The following GABRA6 variants were observed in gnomAD, a reference collection of about 807,000 sequenced individuals.
GABRA6 encodes the protein gamma-aminobutyric acid receptor subunit alpha-6.
A neutral mutation model predicts 47.3 loss-of-function variants in GABRA6; 45 were observed. The ratio of observed to expected loss-of-function variants is 0.95; its 90% CI spans 0.75 to 1.22. The LOEUF is 1.22. Ranked by LOEUF, GABRA6 falls within the 50% of genes most tolerant of loss-of-function variation. GABRA6 has a pLI of 0.00. For synonymous variants in GABRA6, 219 were observed against 194.7 expected (o/e 1.12, Z -1.04); for missense variants, 583 against 549.3 (o/e 1.06, Z -0.61).
chr5:161,691,874 T>G, intron 7 of GABRA6, 67 bp from the exon 8 acceptor site: 1 of 1,435,162 alleles, frequency 7.0e-7, no homozygotes, highest in Non-Finnish European at 9.8e-7. Flanking sequence ...CTCTGACACA[T>G]TCTCATTTGA....
Position 161,686,247 on chromosome 5 carries a change from G to C in GABRA6, c.56G>C (p.Gly19Ala). The change falls in exon 2 of 9, where the codon GGG becomes GCG. Residue 19 changes from glycine to alanine, a missense_variant. Gly to Ala is a moderately conservative substitution (Grantham distance 60). Coordinates refer to ENST00000274545, the MANE Select transcript of GABRA6 (RefSeq NM_000811.3). ...CIILWLENAL[G>A]KLEVEGNFYS... ...ACACACAGGCTAGAAAATGCCCTAGGGAAACTCGAAGTTGAAGGCAACTTC... is the reference window on the plus strand; with the variant it reads ...ACACACAGGCTAGAAAATGCCCTAGCGAAACTCGAAGTTGAAGGCAACTTC... 6.2e-7 allele frequency: 1 copy of C among 1,613,622 alleles called. No homozygotes were observed. Among genetic ancestry groups the C allele is most frequent in the South Asian group, 1.1e-5 (1 of 91,068 alleles).
intron 8 of GABRA6, among the ~76,000 whole-genome samples, chr5:161,700,129 AGTT>A (rs939136733): frequency 6.6e-6 from 1 of 152,216 alleles, no homozygotes; most frequent in Non-Finnish European, 1.5e-5. Context: ...AAGTTTTGGG[AGTT>A]GTTGTCCCTT....
rs549678939 is a variant in GABRA6 at position 161,692,617 on chromosome 5, T to C, written c.1086+417T>C. On this transcript the variant is annotated intron_variant, in intron 8 of 8. Transcript: ENST00000274545. Reference sequence around the variant, plus strand: ...TGGAATGGACAATTTTTGTTATAAATCTGCTTGCTGCTTTATTTCAAGAGG... The same window carrying C: ...TGGAATGGACAATTTTTGTTATAAACCTGCTTGCTGCTTTATTTCAAGAGG... Among the ~76,000 whole-genome samples, 893 of 152,338 alleles carry C rather than the reference T, an allele frequency of 5.9e-3. 7 individuals carry two copies. The highest frequency in any genetic ancestry group is 0.019 in the African/African-American group (797 of 41,576).
At chr5:161,699,789 TCTC>T (rs765307328) in intron 8 of GABRA6, among the ~76,000 whole-genome samples, 18 of 151,990 alleles carry the variant, frequency 1.2e-4, no homozygotes, top group Non-Finnish European at 2.2e-4. Context: ...GTTTCCCTCA[TCTC>T]CTCTTCAAGA....
chr5:161,700,457 C>G (rs1378092368), intron 8 of GABRA6, among the ~76,000 whole-genome samples: 2 of 152,146 alleles, frequency 1.3e-5, no homozygotes, highest in African/African-American at 4.8e-5. Context: ...AGGAGGGCCC[C>G]CTAGACACCA....
chr5:161,701,462 T>A, intron 8 of GABRA6, 36 bp from the exon 9 acceptor site: 1 of 1,609,038 alleles, frequency 6.2e-7, no homozygotes, highest in Non-Finnish European at 8.5e-7. Context: ...ATATCTATTC[T>A]TTCATTTGGG....
chr5:161,698,886 T>C (rs1396943840), intron 8 of GABRA6, among the ~76,000 whole-genome samples: 3 of 152,176 alleles, frequency 2.0e-5, no homozygotes, highest in Non-Finnish European at 4.4e-5. Context: ...AATTTTAATT[T>C]TTTAATTTAG....
chr5:161,692,191 GA>G lies in GABRA6; in HGVS notation c.1078del (p.Ile360LeufsTer11), dbSNP rs1754805716. ...SKATEPLEAE[I>X]VLHPDSKYHL... ...AAGCTACTGAACCTTTGGAAGCTGA[GA>G]TTGTTTTGGTAATTGTTTACTTTTT... On this transcript the variant is annotated frameshift_variant, in exon 8 of 9. Coordinates refer to ENST00000274545, the MANE Select transcript of GABRA6 (RefSeq NM_000811.3). LOFTEE classifies it high-confidence loss of function. 3 of 1,614,102 alleles carry G rather than the reference GA, an allele frequency of 1.9e-6. No individual in the cohort carries two copies. In the Admixed American group the frequency reaches 5.0e-5, roughly 27 times the overall value.
chr5:161,688,392 C>T (rs901647465), intron 3 of GABRA6, among the ~76,000 whole-genome samples: 15 of 151,974 alleles, frequency 9.9e-5, no homozygotes, highest in Admixed American at 8.5e-4. Context: ...TAAATGATAC[C>T]CTCTTTAGAA....
chr5:161,692,113 G>A lies in GABRA6; in HGVS notation c.999G>A (p.Gln333=), dbSNP rs1447497229. The part of the protein sequence containing the change: ...AVNYFTNLQT[Q]KAKRKAQFAA... ...ACTACTTTACCAATCTTCAGACACA[G>A]AAGGCCAAAAGGAAGGCACAGTTTG... Residue 333 remains glutamine, a synonymous_variant, in exon 8 of 9, where the codon CAG becomes CAA. Coordinates refer to ENST00000274545, the MANE Select transcript of GABRA6 (RefSeq NM_000811.3). 7 of 1,614,126 alleles carry A rather than the reference G, an allele frequency of 4.3e-6. No homozygotes were observed. The highest frequency in any genetic ancestry group is 5.9e-6 in the Non-Finnish European group (7 of 1,179,978).
chr5:161,689,002 G>C lies in GABRA6; in HGVS notation c.279G>C (p.Lys93Asn). 1 of 1,614,052 alleles carries C rather than the reference G, an allele frequency of 6.2e-7. No individual in the cohort carries two copies. Among genetic ancestry groups the C allele is most frequent in the African/African-American group, 1.3e-5 (1 of 75,044 alleles). The change falls in exon 4 of 9, where the codon AAG (lysine) becomes AAC (asparagine). Residue 93 changes from lysine to asparagine, a missense_variant. Transcript: ENST00000274545. ...AGACCTGGACTGATGAGAGGTTGAAGTTTGGGGGGCCAACTGAGATTCTGA... is the reference window on the plus strand; with the variant it reads ...AGACCTGGACTGATGAGAGGTTGAACTTTGGGGGGCCAACTGAGATTCTGA... ...FRQTWTDERL[K>N]FGGPTEILSL...
chr5:161,697,432 T>C (rs1487928295), intron 8 of GABRA6, among the ~76,000 whole-genome samples: 1 of 152,212 alleles, frequency 6.6e-6, no homozygotes, highest in Non-Finnish European at 1.5e-5. Context: ...CAGCTGATTA[T>C]CCAGATGTAG....
chr5:161,701,265 T>G (rs1162923878), intron 8 of GABRA6, among the ~76,000 whole-genome samples: 1 of 152,212 alleles, frequency 6.6e-6, no homozygotes, highest in Admixed American at 6.5e-5. Context: ...TGTTTGCTGA[T>G]GTATTGAGTA....
At chr5:161,688,898 T>A (rs1754743477) in intron 3 of GABRA6, 51 bp from the exon 4 acceptor site, 1 of 1,515,564 alleles carries the variant, frequency 6.6e-7, no homozygotes, top group Admixed American at 1.7e-5. Context: ...GAATAAACTA[T>A]TCTTAGCAAA....
chr5:161,694,904 T>C lies in GABRA6; in HGVS notation c.1086+2704T>C, dbSNP rs1280538282. Among the ~76,000 whole-genome samples the C allele has an allele frequency of 2.6e-5, 4 of 152,276 alleles. No individual in the cohort carries two copies. In the East Asian group the frequency reaches 7.7e-4, roughly 29 times the overall value. The stretch of plus-strand genomic sequence containing the variant: ...CCTTGGCAAGTTGTCTTATATGATA[T>C]AGAGGAACAAACATAAATTACACAT... On this transcript the variant is annotated intron_variant, in intron 8 of 8. Coordinates refer to ENST00000274545, the MANE Select transcript of GABRA6 (RefSeq NM_000811.3).
chr5:161,690,105 C>T, intron 6 of GABRA6, 96 bp from the exon 7 acceptor site: 1 of 1,158,444 alleles, frequency 8.6e-7, no homozygotes, highest in Non-Finnish European at 1.3e-6. Context: ...TTCTTCCAGT[C>T]AATGTTAATT....
intron 8 of GABRA6, among the ~76,000 whole-genome samples, chr5:161,694,193 A>G (rs892522799): frequency 3.3e-5 from 5 of 151,956 alleles, no homozygotes; most frequent in African/African-American, 9.7e-5. Flanking sequence ...GCATATAAGT[A>G]TATAATCTAT....
chr5:161,686,274 A>G lies in GABRA6; in HGVS notation c.83A>G (p.Tyr28Cys). The G allele has an allele frequency of 6.2e-7, 1 of 1,614,080 alleles. No individual in the cohort carries two copies. The highest frequency in any genetic ancestry group is 1.1e-5 in the South Asian group (1 of 91,086). The change falls in exon 2 of 9, where the codon TAC becomes TGC. Residue 28 changes from tyrosine (Y) to cysteine (C), a missense_variant. By Grantham distance (194) the Tyr-to-Cys change is radical. Transcript: ENST00000274545. ...LGKLEVEGNF[Y>C]SENVSRILDN... ...AAACTCGAAGTTGAAGGCAACTTCTACTCAGAAAACGTCAGTCGGATCCTG... is the reference window on the plus strand; with the variant it reads ...AAACTCGAAGTTGAAGGCAACTTCTGCTCAGAAAACGTCAGTCGGATCCTG...
rs1754758958 is a variant in GABRA6, at chr5:161,689,635, G to T, written c.530-1G>T. ...ATATTTAATTTGTTTCAAATATTTA[G>T]ATGCTTATCCCAAAAGTGAAATCAT... On this transcript the variant is annotated splice_acceptor_variant, in intron 5 of 8. Coordinates refer to ENST00000274545, the MANE Select transcript of GABRA6 (RefSeq NM_000811.3). LOFTEE classifies it high-confidence loss of function. The T allele has an allele frequency of 1.2e-6, 2 of 1,606,686 alleles. No homozygotes were observed. Among genetic ancestry groups the T allele is most frequent in the African/African-American group, 2.7e-5 (2 of 74,680 alleles).
Sources: gnomAD v4.1 joint callset for allele counts (sites outside exome capture counted in the v4.1 genomes callset) on GRCh38, gnomAD v4.1.1 for gene constraint, MANE v1.5 for transcripts, NCBI Gene and HGNC (gene_info 2026-07-23, HGNC 2026-07-21) for gene names.